Variants in CHSY3 observed in about 807,000 individuals in gnomAD.
The protein encoded by CHSY3 is chondroitin sulfate synthase 3, also known as N-acetylgalactosaminyl-proteoglycan 3-beta-glucuronosyltransferase 3.
A neutral mutation model predicts 67.2 loss-of-function variants in CHSY3; 35 were observed. The ratio of observed to expected loss-of-function variants is 0.52; its 90% CI spans 0.40 to 0.69. The LOEUF is 0.69. Ranked by LOEUF, CHSY3 falls within the 30% of genes least tolerant of loss-of-function variation. The probability of loss-of-function intolerance (pLI) is 0.00; values close to 1 mark genes in which losing one functional copy is unlikely to be tolerated. For missense variants in CHSY3, 1,069 were observed against 1,138.5 expected, an observed-to-expected ratio of 0.94 and a Z score of 0.88; for synonymous variants, 474 against 434.7, an observed-to-expected ratio of 1.09 and a Z score of -1.12.
At chr5:130,067,325 A>C (rs1015455065) in intron 2 of CHSY3, among the ~76,000 whole-genome samples, 1 of 152,130 alleles carries the variant, frequency 6.6e-6, no homozygotes, top group African/African-American at 2.4e-5. Flanking sequence ...TAGTTCTGTT[A>C]TGTAACATGG....
intron 2 of CHSY3, among the ~76,000 whole-genome samples, chr5:129,957,456 C>T (rs1762209965): frequency 6.6e-6 from 1 of 151,984 alleles, no homozygotes; most frequent in South Asian, 2.1e-4. Context: ...CTTTTTATTC[C>T]TTTCTTTTGC....
chr5:130,031,997 TAAATC>T (rs2149660502), intron 2 of CHSY3, among the ~76,000 whole-genome samples: 1 of 152,298 alleles, frequency 6.6e-6, no homozygotes, highest in Non-Finnish European at 1.5e-5. Flanking sequence ...TGCAATTTGA[TAAATC>T]AGAGAATGTA....
intron 2 of CHSY3, among the ~76,000 whole-genome samples, chr5:130,111,939 C>T (rs570486877): frequency 4.6e-5 from 7 of 152,194 alleles, no homozygotes; most frequent in African/African-American, 1.2e-4. Context: ...ATTTAACCCT[C>T]GTATCATGTT....
At chr5:129,989,071 T>C (rs896310241) in intron 2 of CHSY3, among the ~76,000 whole-genome samples, 1 of 152,186 alleles carries the variant, frequency 6.6e-6, no homozygotes, top group African/African-American at 2.4e-5. Context: ...CTGTCTTAGT[T>C]TGTTTATGCT....
intron 2 of CHSY3, among the ~76,000 whole-genome samples, chr5:130,166,079 T>A (rs1580794350): frequency 6.6e-6 from 1 of 152,196 alleles, no homozygotes; most frequent in African/African-American, 2.4e-5. Context: ...TTGGAGTGTT[T>A]AGCTTTGCTT....
At chr5:129,933,940 C>T (rs1371385303) in intron 2 of CHSY3, among the ~76,000 whole-genome samples, 1 of 152,104 alleles carries the variant, frequency 6.6e-6, no homozygotes, top group Non-Finnish European at 1.5e-5. Context: ...GTGAAATGGA[C>T]ACTTAAAATT....
chr5:130,176,663 A>AT (rs1483225630), intron 2 of CHSY3, among the ~76,000 whole-genome samples: 47 of 152,360 alleles, frequency 3.1e-4, no homozygotes, highest in African/African-American at 9.6e-4. Context: ...CTATGCAGCC[A>AT]TAAAAAAGGA....
At position 130,184,661 on chromosome 5, in the gene CHSY3, A is replaced by G. The variant is rs745713014; in HGVS notation, c.1519A>G (p.Asn507Asp). ...DTVLQVMEMI[N>D]ENAKSRGRLI... is the part of the protein sequence containing the mutation. ...CGTCCTACAGGTGATGGAGATGATC[A>G]ATGAGAATGCCAAGAGCAGAGGACG... Residue 507 changes from asparagine (N) to aspartate (D), a missense_variant, in exon 3 of 3, where the codon AAT becomes GAT. Asn to Asp is a conservative substitution (Grantham distance 23, BLOSUM62 1). Around this residue, in one of 5 missense-constraint regions of CHSY3, gnomAD observed 401 missense variants for 395.2 expected, o/e 1.01. Coordinates refer to ENST00000305031, the MANE Select transcript of CHSY3 (RefSeq NM_175856.5). 1.4e-5 allele frequency: 23 copies of G among 1,605,808 alleles called. No homozygotes were observed. In the East Asian group the frequency reaches 4.7e-4, roughly 33 times the overall value.
chr5:130,003,371 A>G (rs571786590), intron 2 of CHSY3, among the ~76,000 whole-genome samples: 3 of 152,308 alleles, frequency 2.0e-5, no homozygotes, highest in East Asian at 1.9e-4. Context: ...GGGGTTTATT[A>G]TGGTCAGAGT....
intron 2 of CHSY3, among the ~76,000 whole-genome samples, chr5:129,966,911 A>T (rs964928695): frequency 2.0e-5 from 3 of 151,854 alleles, no homozygotes; most frequent in African/African-American, 7.2e-5. Flanking sequence ...TACTGTAAGT[A>T]ACTTTATACT....
chr5:129,933,912 C>T (rs1403655306), intron 2 of CHSY3, among the ~76,000 whole-genome samples: 1 of 152,078 alleles, frequency 6.6e-6, no homozygotes, highest in Non-Finnish European at 1.5e-5. Context: ...GCTGTTAACA[C>T]TTTTTCTTGA....
chr5:130,002,767 T>C (rs571751695), intron 2 of CHSY3, among the ~76,000 whole-genome samples: 2 of 150,606 alleles, frequency 1.3e-5, no homozygotes, highest in African/African-American at 2.5e-5. Context: ...ATACCTTAAA[T>C]ATACACAATA....
intron 2 of CHSY3, among the ~76,000 whole-genome samples, chr5:130,086,921 G>A (rs572238938): frequency 6.6e-6 from 1 of 151,912 alleles, no homozygotes; most frequent in Non-Finnish European, 1.5e-5. Context: ...CAAAAAAAGA[G>A]AATTTTAGAC....
intron 2 of CHSY3, among the ~76,000 whole-genome samples, chr5:129,980,437 G>C (rs1762949306): frequency 6.6e-6 from 1 of 152,148 alleles, no homozygotes; most frequent in South Asian, 2.1e-4. Context: ...GTCTGGTGAG[G>C]TCTTTGACCC....
intron 2 of CHSY3, among the ~76,000 whole-genome samples, chr5:129,935,505 TCTAGCA>T (rs2149591239): frequency 6.6e-6 from 1 of 152,262 alleles, no homozygotes; most frequent in East Asian, 1.9e-4. Flanking sequence ...AAAATATTCA[TCTAGCA>T]CAGTTTGTAT....
At chr5:130,020,438 TATATATATATATATATATATATA>T (rs1189547535) in intron 2 of CHSY3, among the ~76,000 whole-genome samples, 48 of 4,086 alleles carry the variant, frequency 0.012, 3 homozygotes, top group African/African-American at 0.032. Flanking sequence ...TATATATATA[TATATATATATATATATATATATA>T]TTTTTTTTTT....
At chr5:130,062,846 T>C (rs945649453) in intron 2 of CHSY3, among the ~76,000 whole-genome samples, 2 of 152,112 alleles carry the variant, frequency 1.3e-5, no homozygotes, top group Admixed American at 1.3e-4. Flanking sequence ...TTTTAAGTTA[T>C]ATATTAACTC....
intron 2 of CHSY3, among the ~76,000 whole-genome samples, chr5:129,941,668 C>G (rs945436736): frequency 6.6e-6 from 1 of 152,162 alleles, no homozygotes; most frequent in Non-Finnish European, 1.5e-5. Flanking sequence ...TAATCTCATA[C>G]TACCGCAACA....
intron 2 of CHSY3, among the ~76,000 whole-genome samples, chr5:130,071,570 T>TGC (rs1766070643): frequency 1.3e-5 from 2 of 151,602 alleles, no homozygotes; most frequent in Non-Finnish European, 2.9e-5. Flanking sequence ...TGTGTGTGTG[T>TGC]GTGTTTGTAT....
Sources: gnomAD v4.1 joint callset for allele counts (sites outside exome capture counted in the v4.1 genomes callset) on GRCh38, gnomAD v4.1.1 for gene constraint, gnomAD v4.1.1 regional missense constraint, MANE v1.5 for transcripts, NCBI Gene and HGNC (gene_info 2026-07-23, HGNC 2026-07-21) for gene names.